The following TENM3 variants were observed in gnomAD, a reference collection of about 807,000 sequenced individuals.
TENM3 encodes the protein teneurin transmembrane protein 3.
A neutral mutation model predicts 255.1 loss-of-function variants in TENM3; 63 were observed. That is an observed-to-expected ratio of 0.25 (90% CI 0.20 to 0.30). The LOEUF (loss-of-function observed/expected upper bound fraction) is 0.30. Ranked by LOEUF, TENM3 falls within the 10% of genes least tolerant of loss-of-function variation. The probability of loss-of-function intolerance (pLI) is 1.00; values close to 1 mark genes in which losing one functional copy is unlikely to be tolerated. For missense variants in TENM3, 2,929 were observed against 3,461.1 expected (o/e 0.85, Z 3.86); for synonymous variants, 1,306 against 1,322.3 (o/e 0.99, Z 0.27).
At chr4:181,777,569 A>G in the TENM3 span, among the ~76,000 whole-genome samples, 29 of 152,092 alleles carry the variant, frequency 1.9e-4, no homozygotes, top group Admixed American at 1.7e-3. Flanking sequence ...TGTTCCTGCT[A>G]TTGTCAACAA....
the TENM3 span, among the ~76,000 whole-genome samples, chr4:182,048,879 G>A: frequency 1.3e-5 from 2 of 152,158 alleles, no homozygotes; most frequent in African/African-American, 4.8e-5. Context: ...AAACCTCATT[G>A]TAAATGGTGT....
intron 1 of TENM3, among the ~76,000 whole-genome samples, chr4:182,173,903 T>C (rs1214032771): frequency 6.6e-6 from 1 of 152,182 alleles, no homozygotes; most frequent in Admixed American, 6.5e-5. Context: ...GTCTGGAGTA[T>C]GGATGATTTT....
intron 3 of TENM3, among the ~76,000 whole-genome samples, chr4:182,592,472 C>T (rs1045550583): frequency 6.6e-6 from 1 of 152,228 alleles, no homozygotes. Context: ...ACCTGTAATC[C>T]TAGCGCTTTG....
At chr4:181,451,937 A>G in the TENM3 span, among the ~76,000 whole-genome samples, 8 of 152,162 alleles carry the variant, frequency 5.3e-5, no homozygotes, top group Non-Finnish European at 8.8e-5. Context: ...TTGAACAGAA[A>G]GCAACCTGAG....
At chr4:181,994,654 A>G in the TENM3 span, among the ~76,000 whole-genome samples, 1 of 150,168 alleles carries the variant, frequency 6.7e-6, no homozygotes, top group Non-Finnish European at 1.5e-5. Context: ...TAAACTGAAC[A>G]TTTTCATGTA....
the TENM3 span, among the ~76,000 whole-genome samples, chr4:181,837,501 T>C: frequency 6.6e-6 from 1 of 152,202 alleles, no homozygotes; most frequent in African/African-American, 2.4e-5. Flanking sequence ...AAATCAACCA[T>C]GTGGAACTGT....
At chr4:182,730,086 G>T in intron 14 of TENM3, 114 bp from the exon 15 acceptor site, 1 of 1,286,786 alleles carries the variant, frequency 7.8e-7, no homozygotes, top group Non-Finnish European at 1.1e-6. Flanking sequence ...TGTGAATAAC[G>T]ATGGATTGCA....
chr4:182,085,888 T>G, the TENM3 span, among the ~76,000 whole-genome samples: 1 of 152,318 alleles, frequency 6.6e-6, no homozygotes, highest in African/African-American at 2.4e-5. Flanking sequence ...CTTTCTTTTG[T>G]CCTCTAAAAA....
chr4:181,747,272 C>A, the TENM3 span, among the ~76,000 whole-genome samples: 120 of 152,142 alleles, frequency 7.9e-4, no homozygotes, highest in African/African-American at 2.8e-3. Context: ...AATATGTTTT[C>A]ATCTGTTTAT....
the TENM3 span, among the ~76,000 whole-genome samples, chr4:181,958,922 G>A: frequency 1.8e-4 from 27 of 152,178 alleles, no homozygotes; most frequent in African/African-American, 2.4e-4. Context: ...GTATATAAAC[G>A]TATTTCAATA....
intron 26 of TENM3, among the ~76,000 whole-genome samples, chr4:182,794,899 ACCC>A (rs1461536705): frequency 2.0e-5 from 3 of 148,496 alleles, no homozygotes; most frequent in Non-Finnish European, 4.5e-5. Context: ...ACCATCATTA[ACCC>A]CTCTACCACA....
the TENM3 span, among the ~76,000 whole-genome samples, chr4:182,092,032 A>C: frequency 6.6e-6 from 1 of 152,160 alleles, no homozygotes; most frequent in South Asian, 2.1e-4. Flanking sequence ...ATTTTTGAGG[A>C]TGCACAAGAA....
chr4:181,791,425 A>C, the TENM3 span, among the ~76,000 whole-genome samples: 2 of 152,266 alleles, frequency 1.3e-5, 1 homozygote, highest in Non-Finnish European at 2.9e-5. Flanking sequence ...TAATTTTATA[A>C]AATGAAACAT....
At chr4:182,337,226 T>G (rs1044219856) in intron 2 of TENM3, among the ~76,000 whole-genome samples, 1 of 152,056 alleles carries the variant, frequency 6.6e-6, no homozygotes, top group Non-Finnish European at 1.5e-5. Flanking sequence ...AATTACAAAG[T>G]TTTGCTTATC....
At chr4:181,468,710 A>G in the TENM3 span, among the ~76,000 whole-genome samples, 1 of 152,218 alleles carries the variant, frequency 6.6e-6, no homozygotes, top group Non-Finnish European at 1.5e-5. Flanking sequence ...TATTGCTGCC[A>G]AGTCCCTGAT....
At chr4:181,835,124 A>T in the TENM3 span, 1 of 152,194 alleles carries the variant, frequency 6.6e-6, no homozygotes, top group South Asian at 2.1e-4. Context: ...TGTGTCCACC[A>T]TTAGGTCACC....
chr4:182,737,164 A>G (rs2152725308), intron 17 of TENM3, 89 bp downstream of exon 17: 1 of 1,310,276 alleles, frequency 7.6e-7, no homozygotes, highest in South Asian at 1.4e-5. Context: ...AAGTCAGTGG[A>G]TAAACAGAAT....
intron 1 of TENM3, among the ~76,000 whole-genome samples, chr4:182,288,833 A>G (rs1244421086): frequency 6.6e-6 from 1 of 152,194 alleles, no homozygotes; most frequent in South Asian, 2.1e-4. Context: ...GTACAAAGTC[A>G]TTCTCTCAGG....
At chr4:181,490,968 A>G in the TENM3 span, among the ~76,000 whole-genome samples, 3 of 152,154 alleles carry the variant, frequency 2.0e-5, no homozygotes, top group Non-Finnish European at 4.4e-5. Flanking sequence ...TGCATTTTGT[A>G]TTTTAAAAAA....
Sources: gnomAD v4.1 joint callset for allele counts (sites outside exome capture counted in the v4.1 genomes callset) on GRCh38, gnomAD v4.1.1 for gene constraint, MANE v1.5 for transcripts, NCBI Gene and HGNC (gene_info 2026-07-23, HGNC 2026-07-21) for gene names.